DENND4A: variants seen among roughly 807,000 people sequenced by gnomAD.
The protein encoded by DENND4A is DENN domain containing 4A.
A neutral mutation model predicts 199.3 loss-of-function variants in DENND4A; 70 were observed. The observed-to-expected ratio is 0.35, with a 90% CI of 0.29 to 0.43. The LOEUF is 0.43. Among genes scored for constraint, DENND4A ranks in the 20% least tolerant of loss-of-function variants. The pLI is 1.00. For missense variants in DENND4A, 1,723 were observed against 2,255.8 expected (o/e 0.76, Z 4.78); for synonymous variants, 686 against 766.9 (o/e 0.89, Z 1.74).
intron 1 of DENND4A, chr15:65,767,450 T>C (rs578025570): frequency 6.6e-6 from 1 of 152,176 alleles, no homozygotes; most frequent in Admixed American, 6.5e-5. Flanking sequence ...TGAATGATTA[T>C]TTATTTATTT....
intron 1 of DENND4A, among the ~76,000 whole-genome samples, chr15:65,776,458 T>C (rs2077286071): frequency 1.3e-5 from 2 of 152,250 alleles, no homozygotes; most frequent in Non-Finnish European, 2.9e-5. Context: ...TCCTACTATA[T>C]ATAAAGCCAC....
At position 65,668,002 on chromosome 15, in the gene DENND4A, G is replaced by A; in HGVS notation, c.4909C>T (p.Pro1637Ser). ...CTTCCAGTATCTTCCTTATCCAAGGGGCCAGAAGTACTAATACTCCTGGCC... is the reference window on the plus strand; with the variant it reads ...CTTCCAGTATCTTCCTTATCCAAGGAGCCAGAAGTACTAATACTCCTGGCC... ...PMARSISTSGPLDKEDTGRQK... is the reference protein window; with the variant it reads ...PMARSISTSGSLDKEDTGRQK... The change falls in exon 28 of 33, where the codon CCC (proline) becomes TCC (serine). Residue 1637 changes from proline (P) to serine (S), a missense_variant. By Grantham distance (74) the Pro-to-Ser change is moderately conservative (BLOSUM62 -1). This residue lies in a region of DENND4A where 141 missense variants were observed against 170.7 expected (regional missense o/e 0.83). Transcript: ENST00000443035. The A allele has an allele frequency of 6.2e-7, 1 of 1,611,712 alleles. No homozygotes were observed. The highest frequency in any genetic ancestry group is 8.5e-7 in the Non-Finnish European group (1 of 1,179,414).
rs1336015457 is a variant in DENND4A at position 65,664,354 on chromosome 15, G to A, written c.5563C>T (p.Leu1855=). 1 of 1,598,806 alleles carries A rather than the reference G, an allele frequency of 6.3e-7. No homozygotes were observed. The highest frequency in any genetic ancestry group is 1.3e-5 in the African/African-American group (1 of 74,454). The change falls in exon 32 of 33, where the codon CTG becomes TTG. Residue 1855 remains leucine (L), a synonymous_variant. Transcript: ENST00000443035. ...CCTATATCAATGTTTTCTCTTCCCA[G>A]TGCCACAAGTGAGAGAAATAGTATT... is the stretch of plus-strand genomic sequence containing the variant. The part of the protein sequence containing the change: ...REILFLSLVA[L]GRENIDIDAF...
Position 65,701,199 on chromosome 15 carries a change from A to C in DENND4A, c.2560-7T>G. 6.5e-7 allele frequency: 1 copy of C among 1,547,254 alleles called. No homozygotes were observed. The highest frequency in any genetic ancestry group is 1.2e-5 in the South Asian group (1 of 80,634). On this transcript the variant is annotated splice_polypyrimidine_tract_variant and splice_region_variant and intron_variant, in intron 18 of 32. Transcript: ENST00000443035. ...AGGTACTTTCCAAAACAGCCTATTC[A>C]TTCAACAAAATAAAATAATTAGTAA... is the stretch of plus-strand genomic sequence containing the variant.
chr15:65,718,829 G>C (rs1378198841), intron 12 of DENND4A, among the ~76,000 whole-genome samples: 2 of 138,358 alleles, frequency 1.4e-5, no homozygotes, highest in Non-Finnish European at 3.0e-5. Flanking sequence ...ACCCAGGCTG[G>C]AGTACAGTGG....
chr15:65,785,445 A>G (rs2572213), intron 1 of DENND4A, among the ~76,000 whole-genome samples: 35,870 of 149,386 alleles, frequency 0.24, 5,312 homozygotes, highest in East Asian at 0.74. Context: ...AGCCATGATC[A>G]CATCACCGCG....
At chr15:65,705,856 T>C in intron 15 of DENND4A, 1 of 275,690 alleles carries the variant, frequency 3.6e-6, no homozygotes, top group Non-Finnish European at 5.5e-6. Context: ...CAAGGAGAGA[T>C]ACTTATGCAG....
intron 15 of DENND4A, 142 bp from the exon 16 acceptor site, chr15:65,703,150 A>G: frequency 1.4e-6 from 1 of 697,860 alleles, no homozygotes. Flanking sequence ...GCTGTGATAT[A>G]CACTCAACAA....
intron 11 of DENND4A, among the ~76,000 whole-genome samples, chr15:65,725,689 T>TAAA (rs11392836): frequency 3.3e-5 from 4 of 121,644 alleles, no homozygotes; most frequent in Admixed American, 2.6e-4. Flanking sequence ...AAAATAAAAA[T>TAAA]AAAAAAAATA....
chr15:65,668,445 G>A (rs1158603292), intron 27 of DENND4A, among the ~76,000 whole-genome samples: 2 of 152,106 alleles, frequency 1.3e-5, no homozygotes, highest in African/African-American at 4.8e-5. Context: ...CCAGGCTCAA[G>A]CCATCTGCCC....
In DENND4A at chr15:65,676,537, C is replaced by T; in HGVS notation, c.4277G>A (p.Gly1426Glu). The change falls in exon 24 of 33, where the codon GGA becomes GAA. Residue 1426 changes from glycine to glutamate, a missense_variant. Gly to Glu is a moderately conservative substitution (Grantham distance 98). Coordinates refer to ENST00000443035, the MANE Select transcript of DENND4A (RefSeq NM_001320835.1). ...ACTGGTCTCTTGAGAGGAGATAGGT[C>T]CTTCCAACTCATGGCAGACATCTTC... ...TDEDVCHELE[G>E]PISSQETSAT... The T allele has an allele frequency of 1.2e-6, 2 of 1,613,654 alleles. No individual in the cohort carries two copies. The highest frequency in any genetic ancestry group is 2.2e-5 in the South Asian group (2 of 91,032).
rs750358796 is a variant in DENND4A at position 65,661,837 on chromosome 15, CATACAA to C, written c.*8_*13del. Reference sequence around the variant, plus strand: ...ATACAATATACATTGAATGTTTACACATACAAATACATCTTAAAGATAAGGTTCTCC... The same window carrying C: ...ATACAATATACATTGAATGTTTACACATACATCTTAAAGATAAGGTTCTCC... On this transcript the variant is annotated 3_prime_UTR_variant, in exon 33 of 33. Transcript: ENST00000443035. The C allele has an allele frequency of 1.9e-6, 3 of 1,592,890 alleles. No individual in the cohort carries two copies. In the East Asian group the frequency reaches 6.7e-5, roughly 36 times the overall value.
In DENND4A at chr15:65,706,218, T is replaced by C. The variant is rs779835696; in HGVS notation, c.1960A>G (p.Met654Val). 3 of 1,560,348 alleles carry C rather than the reference T, an allele frequency of 1.9e-6. No homozygotes were observed. In the Admixed American group the frequency reaches 6.0e-5, roughly 31 times the overall value. Residue 654 changes from methionine (M) to valine (V), a missense_variant, in exon 15 of 33, where the codon ATG becomes GTG. Met to Val is a conservative substitution (Grantham distance 21). Coordinates refer to ENST00000443035, the MANE Select transcript of DENND4A (RefSeq NM_001320835.1). ...AGTCGTACTTCACCGCTCTTGTCCA[T>C]ATCCACCTAAAGGAGTTTTAAAAAC... Reference protein sequence around the residue: ...FFDDCVDKVDMDKSGEVRLIE... With the variant: ...FFDDCVDKVDVDKSGEVRLIE...
Position 65,752,475 on chromosome 15 carries a change from C to T in DENND4A, c.465G>A (p.Thr155=), listed in dbSNP as rs1007359391. The T allele has an allele frequency of 1.5e-5, 24 of 1,613,520 alleles. No homozygotes were observed. Among genetic ancestry groups the T allele is most frequent in the East Asian group, 2.2e-5 (1 of 44,864 alleles). ...TAATACATATGTCAGTGACAGCCAA[C>T]GTATTCTGAGTCATGTTTTCAGAGG... ...RRASENMTQN[T]LAVTDICIII... Residue 155 remains threonine, a synonymous_variant, in exon 4 of 33, where the codon ACG becomes ACA. Transcript: ENST00000443035.
At chr15:65,785,525 T>G (rs2077544727) in intron 1 of DENND4A, among the ~76,000 whole-genome samples, 1 of 146,330 alleles carries the variant, frequency 6.8e-6, no homozygotes, top group South Asian at 2.3e-4. Context: ...TAAATTCTTT[T>G]TGTTGTTATA....
At chr15:65,745,611 T>C (rs1475490232) in intron 4 of DENND4A, among the ~76,000 whole-genome samples, 1 of 152,174 alleles carries the variant, frequency 6.6e-6, no homozygotes, top group African/African-American at 2.4e-5. Flanking sequence ...AAAAAAATTT[T>C]ATAAAAATGG....
intron 4 of DENND4A, among the ~76,000 whole-genome samples, chr15:65,748,885 C>T (rs62014406): frequency 6.6e-6 from 1 of 150,454 alleles, no homozygotes; most frequent in African/African-American, 2.4e-5. Flanking sequence ...CTGAGCTGCT[C>T]GAGAGGCCAA....
At chr15:65,687,398 CTTTT>C (rs902152426) in intron 23 of DENND4A, among the ~76,000 whole-genome samples, 15 of 150,234 alleles carry the variant, frequency 1.0e-4, no homozygotes, top group African/African-American at 3.7e-4. Context: ...TTTTTCTTTT[CTTTT>C]TTTTTCAGTT....
chr15:65,742,902 T>C (rs1378592503), intron 4 of DENND4A, among the ~76,000 whole-genome samples: 33 of 152,196 alleles, frequency 2.2e-4, no homozygotes. Flanking sequence ...TAAATAAATA[T>C]ATACATAATT....
Sources: allele counts gnomAD v4.1 joint callset (sites outside exome capture counted in the v4.1 genomes callset), GRCh38; gene constraint gnomAD v4.1.1; regional missense constraint gnomAD v4.1.1; transcripts MANE v1.5; gene names NCBI Gene and HGNC (gene_info 2026-07-23, HGNC 2026-07-21).